PLGRKT: variants seen among roughly 807,000 people sequenced by gnomAD.
The protein encoded by PLGRKT is plasminogen receptor (KT).
PLGRKT carries 22 observed loss-of-function variants against 18.5 expected under a neutral mutation model. The observed-to-expected ratio is 1.19, with a 90% CI of 0.85 to 1.70. The LOEUF is 1.70. Ranked by LOEUF, PLGRKT falls within the 40% of genes most tolerant of loss-of-function variation. PLGRKT has a pLI of 0.00. For missense variants in PLGRKT, 235 were observed against 174.4 expected, an observed-to-expected ratio of 1.35 and a Z score of -1.96; for synonymous variants, 72 against 52.8, an observed-to-expected ratio of 1.36 and a Z score of -1.58.
intron 3 of PLGRKT, among the ~76,000 whole-genome samples, chr9:5,421,668 A>G (rs1311395960): frequency 6.6e-6 from 1 of 152,240 alleles, no homozygotes; most frequent in African/African-American, 2.4e-5. Context: ...GCTGTGTGCT[A>G]AATTCTTGTA....
chr9:5,386,097 G>A (rs561618033), intron 3 of PLGRKT, among the ~76,000 whole-genome samples: 7 of 151,934 alleles, frequency 4.6e-5, no homozygotes, highest in East Asian at 1.9e-4. Flanking sequence ...AAGAAAATGC[G>A]AATGCACTGG....
chr9:5,409,898 AC>A (rs1244874468), intron 3 of PLGRKT, among the ~76,000 whole-genome samples: 3 of 152,182 alleles, frequency 2.0e-5, no homozygotes, highest in East Asian at 3.9e-4. Context: ...TGAAATTCTA[AC>A]TTTTTTTTCC....
chr9:5,434,241 G>T (rs1009172695), intron 2 of PLGRKT, among the ~76,000 whole-genome samples: 3 of 146,484 alleles, frequency 2.0e-5, no homozygotes, highest in African/African-American at 7.6e-5. Context: ...GGGAAGTGAG[G>T]GGCGCCTCTG....
upstream of PLGRKT, chr9:5,437,976 G>A (rs1034116624): frequency 1.3e-5 from 2 of 152,284 alleles, no homozygotes; most frequent in Non-Finnish European, 2.9e-5. Flanking sequence ...ACTTCCGCCA[G>A]AAGCCGGGTG....
At chr9:5,366,123 C>T (rs1348029089) in intron 3 of PLGRKT, among the ~76,000 whole-genome samples, 1 of 152,074 alleles carries the variant, frequency 6.6e-6, no homozygotes, top group East Asian at 1.9e-4. Flanking sequence ...TATATCTGCA[C>T]ACATCTTAAA....
At chr9:5,396,619 AT>A (rs1475436804) in intron 3 of PLGRKT, among the ~76,000 whole-genome samples, 1 of 152,032 alleles carries the variant, frequency 6.6e-6, no homozygotes, top group African/African-American at 2.4e-5. Flanking sequence ...TCAATAAAAC[AT>A]TTTCACATAT....
intron 3 of PLGRKT, among the ~76,000 whole-genome samples, chr9:5,387,658 G>A (rs1462235922): frequency 1.5e-5 from 2 of 133,696 alleles, no homozygotes; most frequent in African/African-American, 5.7e-5. Context: ...GAGGCGGGAG[G>A]AAGCCTCCTG....
At chr9:5,381,816 A>C (rs1421646930) in intron 3 of PLGRKT, 2 of 917,772 alleles carry the variant, frequency 2.2e-6, no homozygotes, top group East Asian at 2.3e-4. Flanking sequence ...TTGTAGTTTT[A>C]AAAAATACAT....
chr9:5,399,977 G>A (rs1586726636), intron 3 of PLGRKT, among the ~76,000 whole-genome samples: 1 of 151,668 alleles, frequency 6.6e-6, no homozygotes, highest in African/African-American at 2.4e-5. Flanking sequence ...GCGACAGAGT[G>A]AGACTCTGTC....
At chr9:5,366,818 C>T (rs1817399165) in intron 3 of PLGRKT, among the ~76,000 whole-genome samples, 1 of 152,096 alleles carries the variant, frequency 6.6e-6, no homozygotes, top group Non-Finnish European at 1.5e-5. Context: ...TCCCTCCTCA[C>T]TGAATATGAT....
At chr9:5,429,885 C>A (rs1049105597) in intron 3 of PLGRKT, among the ~76,000 whole-genome samples, 1 of 152,158 alleles carries the variant, frequency 6.6e-6, no homozygotes. Flanking sequence ...TTGTAACTCC[C>A]AGGTCTGACA....
At chr9:5,421,209 C>T (rs919022160) in intron 3 of PLGRKT, among the ~76,000 whole-genome samples, 8 of 152,188 alleles carry the variant, frequency 5.3e-5, no homozygotes, top group South Asian at 2.1e-4. Flanking sequence ...CAACTCACCA[C>T]GAGTTCTCCC....
chr9:5,411,308 C>T (rs1818359696), intron 3 of PLGRKT, among the ~76,000 whole-genome samples: 1 of 150,762 alleles, frequency 6.6e-6, no homozygotes, highest in Non-Finnish European at 1.5e-5. Flanking sequence ...TCACTTGAAC[C>T]TGGGAGGCAG....
intron 3 of PLGRKT, among the ~76,000 whole-genome samples, chr9:5,429,655 T>C (rs1447260654): frequency 6.6e-6 from 1 of 152,236 alleles, no homozygotes; most frequent in Non-Finnish European, 1.5e-5. Flanking sequence ...TCAGTCACAC[T>C]GAATTGGGGC....
intron 3 of PLGRKT, among the ~76,000 whole-genome samples, chr9:5,410,925 C>T (rs1237527909): frequency 6.6e-6 from 1 of 152,066 alleles, no homozygotes; most frequent in Non-Finnish European, 1.5e-5. Context: ...TTATTTACTT[C>T]AGCTTGATAT....
chr9:5,380,901 T>A (rs1361475456), intron 3 of PLGRKT, among the ~76,000 whole-genome samples: 2 of 152,188 alleles, frequency 1.3e-5, no homozygotes, highest in Non-Finnish European at 2.9e-5. Flanking sequence ...GGTGATTGGA[T>A]CATGGTGGGT....
intron 2 of PLGRKT, among the ~76,000 whole-genome samples, chr9:5,434,450 C>A (rs1358580127): frequency 1.3e-5 from 2 of 148,404 alleles, no homozygotes; most frequent in African/African-American, 5.1e-5. Context: ...CCGGCCGCCG[C>A]CCCGTCTGGG....
At chr9:5,402,096 A>C (rs1365408881) in intron 3 of PLGRKT, among the ~76,000 whole-genome samples, 1 of 152,014 alleles carries the variant, frequency 6.6e-6, no homozygotes, top group Non-Finnish European at 1.5e-5. Flanking sequence ...TTTAATAAAC[A>C]ATTACTTTAA....
intron 3 of PLGRKT, among the ~76,000 whole-genome samples, chr9:5,373,580 G>A (rs992085494): frequency 2.6e-5 from 4 of 152,066 alleles, no homozygotes; most frequent in Non-Finnish European, 5.9e-5. Context: ...CAGGAGGATC[G>A]CTTGAGCCCG....
Sources: allele counts gnomAD v4.1 joint callset (sites outside exome capture counted in the v4.1 genomes callset), GRCh38; gene constraint gnomAD v4.1.1; transcripts MANE v1.5; gene names NCBI Gene and HGNC (gene_info 2026-07-23, HGNC 2026-07-21).